Variants in EML4 observed in about 807,000 individuals in gnomAD.
The protein encoded by EML4 is EMAP like 4.
EML4 carries 72 observed loss-of-function variants against 129.0 expected under a neutral mutation model. The observed-to-expected ratio is 0.56, with a 90% CI of 0.46 to 0.68. EML4 has a LOEUF of 0.68. Among genes scored for constraint, EML4 ranks in the 30% least tolerant of loss-of-function variants. The pLI is 0.00. For synonymous variants in EML4, 532 were observed against 405.0 expected, an observed-to-expected ratio of 1.31 and a Z score of -3.77; for missense variants, 1,363 against 1,190.6, an observed-to-expected ratio of 1.14 and a Z score of -2.13.
At chr2:42,326,078 G>A (rs1389937713) in intron 20 of EML4, 76 bp from the exon 21 acceptor site, 55 of 1,571,602 alleles carry the variant, frequency 3.5e-5, no homozygotes, top group Admixed American at 1.9e-5. Flanking sequence ...AACGTGGCTA[G>A]TTTGAATCAA....
chr2:42,186,691 A>G (rs1232184585), intron 1 of EML4, among the ~76,000 whole-genome samples: 2 of 152,182 alleles, frequency 1.3e-5, no homozygotes, highest in Non-Finnish European at 2.9e-5. Flanking sequence ...CTCGATAGCA[A>G]ATTCTCACAG....
At chr2:42,294,924 G>GT (rs1667859446) in intron 11 of EML4, among the ~76,000 whole-genome samples, 2 of 152,088 alleles carry the variant, frequency 1.3e-5, no homozygotes, top group Non-Finnish European at 2.9e-5. Context: ...AGCATAAAAG[G>GT]TGATACGATA....
chr2:42,177,520 G>A (rs1670676274), intron 1 of EML4, among the ~76,000 whole-genome samples: 1 of 152,094 alleles, frequency 6.6e-6, no homozygotes, highest in Admixed American at 6.5e-5. Flanking sequence ...ATACTCGAGA[G>A]GCTGAGGTGG....
At chr2:42,266,237 G>C (rs958706055) in intron 6 of EML4, among the ~76,000 whole-genome samples, 2 of 152,162 alleles carry the variant, frequency 1.3e-5, no homozygotes, top group African/African-American at 4.8e-5. Flanking sequence ...TTCTTCTTTA[G>C]TAGGTCTTAC....
chr2:42,255,091 T>C (rs1456704820), intron 2 of EML4, among the ~76,000 whole-genome samples: 10 of 151,680 alleles, frequency 6.6e-5, no homozygotes. Context: ...TTTTTTTTTC[T>C]TTTCTTTTCT....
intron 1 of EML4, among the ~76,000 whole-genome samples, chr2:42,170,990 TGTC>T (rs1670241520): frequency 6.6e-6 from 1 of 152,174 alleles, no homozygotes; most frequent in African/African-American, 2.4e-5. Flanking sequence ...CAGAAAAAAT[TGTC>T]GTTATATTGC....
At chr2:42,203,000 C>A (rs2103974072) in intron 1 of EML4, among the ~76,000 whole-genome samples, 1 of 152,080 alleles carries the variant, frequency 6.6e-6, no homozygotes, top group South Asian at 2.1e-4. Context: ...TGTACTCCAG[C>A]CTGGGTGACA....
At chr2:42,200,435 T>C (rs1245452340) in intron 1 of EML4, among the ~76,000 whole-genome samples, 1 of 152,246 alleles carries the variant, frequency 6.6e-6, no homozygotes, top group Non-Finnish European at 1.5e-5. Flanking sequence ...GAGCAGTCTT[T>C]TTTGAATTTG....
chr2:42,219,856 G>A (rs928754362), intron 1 of EML4, among the ~76,000 whole-genome samples: 42 of 151,802 alleles, frequency 2.8e-4, no homozygotes, highest in African/African-American at 9.9e-4. Flanking sequence ...AACCTGGGAG[G>A]TGGGGGTTGC....
intron 1 of EML4, among the ~76,000 whole-genome samples, chr2:42,237,973 A>G (rs1162998970): frequency 6.6e-6 from 1 of 152,218 alleles, no homozygotes; most frequent in Non-Finnish European, 1.5e-5. Flanking sequence ...GGTTATGCCA[A>G]AAAACAACCA....
chr2:42,257,429 A>G (rs1239425830), intron 3 of EML4, among the ~76,000 whole-genome samples: 3 of 152,212 alleles, frequency 2.0e-5, no homozygotes, highest in Non-Finnish European at 2.9e-5. Flanking sequence ...GCTTACCTCA[A>G]TAAACTAATG....
chr2:42,224,327 C>T (rs1572576048), intron 1 of EML4, among the ~76,000 whole-genome samples: 2 of 152,100 alleles, frequency 1.3e-5, no homozygotes, highest in South Asian at 4.1e-4. Flanking sequence ...TCACTGGCTT[C>T]TTTCACTAAG....
At chr2:42,291,531 G>C (rs994278853) in intron 11 of EML4, among the ~76,000 whole-genome samples, 1 of 151,436 alleles carries the variant, frequency 6.6e-6, no homozygotes, top group African/African-American at 2.4e-5. Context: ...AGCTTCCTGA[G>C]TAGTTGGGAT....
chr2:42,283,309 T>TTTG (rs1667116887), intron 8 of EML4, among the ~76,000 whole-genome samples: 1 of 152,176 alleles, frequency 6.6e-6, no homozygotes, highest in Non-Finnish European at 1.5e-5. Context: ...TGATTATTGG[T>TTTG]TACTCGATAT....
At position 42,282,828 on chromosome 2, in the gene EML4, G is replaced by T. The variant is rs2103616700; in HGVS notation, c.797G>T (p.Gly266Val). ...TTGACTCTTTTTCTGTTAAGATATG[G>T]TTATCGAGGAAAGGACTGTAGAGCT... ...PEKLKLEWAY[G>V]YRGKDCRANV... Residue 266 changes from glycine to valine, a missense_variant, in exon 8 of 23, where the codon GGT (glycine) becomes GTT (valine). Gly to Val is a moderately radical substitution (Grantham distance 109). Transcript: ENST00000318522. The T allele has an allele frequency of 6.2e-7, 1 of 1,611,030 alleles. No individual in the cohort carries two copies. Among genetic ancestry groups the T allele is most frequent in the Non-Finnish European group, 8.5e-7 (1 of 1,178,802 alleles).
At chr2:42,258,865 T>G (rs1414315230) in intron 3 of EML4, among the ~76,000 whole-genome samples, 1 of 152,252 alleles carries the variant, frequency 6.6e-6, no homozygotes, top group Non-Finnish European at 1.5e-5. Context: ...ATAAATTGTA[T>G]ATACTATGTA....
chr2:42,198,351 G>A (rs538121083), intron 1 of EML4, among the ~76,000 whole-genome samples: 3 of 152,264 alleles, frequency 2.0e-5, no homozygotes, highest in Non-Finnish European at 4.4e-5. Flanking sequence ...AGTAATAGGG[G>A]AGACACTCTA....
chr2:42,315,546 C>A (rs1204765850), intron 17 of EML4, among the ~76,000 whole-genome samples: 1 of 152,096 alleles, frequency 6.6e-6, no homozygotes, highest in Non-Finnish European at 1.5e-5. Flanking sequence ...ACATATCATA[C>A]TTAAGGACCA....
chr2:42,193,112 A>C lies in EML4; in HGVS notation c.25+23476A>C, dbSNP rs999025084. On this transcript the variant is annotated intron_variant, in intron 1 of 22. Transcript: ENST00000318522. The stretch of plus-strand genomic sequence containing the variant: ...ATGAGGGTATTTCCATAAGATTTTA[A>C]TACTGTATTTTACTGTACCTTTTCT... 2.6e-5 allele frequency among the ~76,000 whole-genome samples: 4 copies of C among 152,190 alleles called. No homozygotes were observed. The South Asian group carries it at 8.3e-4, about 32-fold the overall frequency.
Sources: gnomAD v4.1 joint callset for allele counts (sites outside exome capture counted in the v4.1 genomes callset) on GRCh38, gnomAD v4.1.1 for gene constraint, MANE v1.5 for transcripts, NCBI Gene and HGNC (gene_info 2026-07-23, HGNC 2026-07-21) for gene names.